The following GPC6 variants were observed in gnomAD, a reference collection of about 807,000 sequenced individuals.
The protein encoded by GPC6 is glypican-6.
GPC6 carries 14 observed loss-of-function variants against 55.2 expected under a neutral mutation model. The observed-to-expected ratio is 0.25, with a 90% confidence interval of 0.17 to 0.40. The LOEUF (loss-of-function observed/expected upper bound fraction) is 0.40. Among genes scored for constraint, GPC6 ranks in the 10% least tolerant of loss-of-function variants. GPC6 has a pLI of 1.00. For missense variants in GPC6, 641 were observed against 708.5 expected, an observed-to-expected ratio of 0.90 and a Z score of 1.08; for synonymous variants, 278 against 259.6, an observed-to-expected ratio of 1.07 and a Z score of -0.68.
At chr13:93,460,562 A>C (rs965734802) in intron 1 of GPC6, among the ~76,000 whole-genome samples, 2 of 152,192 alleles carry the variant, frequency 1.3e-5, no homozygotes, top group African/African-American at 4.8e-5. Context: ...CATAGCACTA[A>C]TATAAATTAA....
chr13:93,228,793 C>T (rs1042053694), intron 1 of GPC6, among the ~76,000 whole-genome samples: 1 of 152,122 alleles, frequency 6.6e-6, no homozygotes, highest in African/African-American at 2.4e-5. Flanking sequence ...CTGCTTTTTG[C>T]CAAATAACTG....
rs77828664 is a variant in GPC6, at chr13:93,423,051, C to G, written c.161-122212C>G. ...TTAGAAACAGACATGGTGGTCACAC[C>G]CCACCAGCTCCCCGTTTGTTAGCCC... On this transcript the variant is annotated intron_variant, in intron 1 of 8. Transcript: ENST00000377047. Among the ~76,000 whole-genome samples, 270 of 114,592 alleles carry G rather than the reference C, an allele frequency of 2.4e-3. 1 individual carries two copies. The highest frequency in any genetic ancestry group is 0.01 in the African/African-American group (257 of 24,558). 75.2% of individuals were successfully genotyped at this position (114,592 alleles called of 152,430 possible).
chr13:93,513,818 A>G (rs1246995559), intron 1 of GPC6, among the ~76,000 whole-genome samples: 3 of 144,566 alleles, frequency 2.1e-5, no homozygotes, highest in African/African-American at 7.7e-5. Context: ...CTCTCTGATG[A>G]TTTTCCCAAA....
At chr13:93,327,697 G>A (rs755956973) in intron 1 of GPC6, among the ~76,000 whole-genome samples, 22 of 152,124 alleles carry the variant, frequency 1.4e-4, no homozygotes, top group South Asian at 1.2e-3. Flanking sequence ...TAAGTGTGCC[G>A]TGTGAAAACA....
intron 4 of GPC6, among the ~76,000 whole-genome samples, chr13:94,108,806 C>A (rs1050902204): frequency 6.6e-6 from 1 of 150,772 alleles, no homozygotes; most frequent in East Asian, 2.0e-4. Flanking sequence ...GGCAGCATTG[C>A]ACTCCAGCCT....
At chr13:93,371,893 A>G (rs1466348460) in intron 1 of GPC6, among the ~76,000 whole-genome samples, 6 of 152,158 alleles carry the variant, frequency 3.9e-5, no homozygotes, top group African/African-American at 1.2e-4. Context: ...CCTTATCCAT[A>G]TTAAACCAGA....
chr13:94,290,704 C>A (rs1874914904), intron 5 of GPC6, among the ~76,000 whole-genome samples: 1 of 151,960 alleles, frequency 6.6e-6, no homozygotes, highest in South Asian at 2.1e-4. Flanking sequence ...TATAAAATAC[C>A]TTGTTATTAA....
chr13:93,716,152 A>G (rs1213749240), intron 2 of GPC6, among the ~76,000 whole-genome samples: 1 of 151,726 alleles, frequency 6.6e-6, no homozygotes, highest in Non-Finnish European at 1.5e-5. Flanking sequence ...TAGTACTTAG[A>G]ATTATATACA....
rs71736430 is a variant in GPC6 at position 93,744,528 on chromosome 13, C to CTTTTTTTTTTTTTTT, written c.320-85614_320-85600dup. On this transcript the variant is annotated intron_variant, in intron 2 of 8. Transcript: ENST00000377047. ...TTCCTCCAAACCTGCTTTCCCTAGT[C>CTTTTTTTTTTTTTTT]TTTTTTTTTTTTTTTTTTTTTTTTT... Among the ~76,000 whole-genome samples the CTTTTTTTTTTTTTTT allele has an allele frequency of 5.1e-5, 5 of 97,206 alleles. 1 individual carries two copies. Among genetic ancestry groups the CTTTTTTTTTTTTTTT allele is most frequent in the Non-Finnish European group, 9.5e-5 (5 of 52,558 alleles). 63.8% of individuals were successfully genotyped at this position (97,206 alleles called of 152,430 possible). A position where few individuals can be genotyped will look rare whatever the true frequency, so the allele number is the denominator to read the frequency against.
chr13:94,347,695 T>A (rs1026874920), intron 6 of GPC6, among the ~76,000 whole-genome samples: 1 of 152,196 alleles, frequency 6.6e-6, no homozygotes, highest in Non-Finnish European at 1.5e-5. Context: ...TCACTATGAT[T>A]TATTCAAAAG....
chr13:94,371,941 A>C (rs1278959505), intron 6 of GPC6, among the ~76,000 whole-genome samples: 2 of 152,136 alleles, frequency 1.3e-5, no homozygotes, highest in Admixed American at 6.5e-5. Flanking sequence ...CTTATTCAAT[A>C]ATATCAACTA....
At chr13:93,380,901 A>T (rs962697711) in intron 1 of GPC6, among the ~76,000 whole-genome samples, 3 of 152,120 alleles carry the variant, frequency 2.0e-5, no homozygotes, top group Admixed American at 2.0e-4. Context: ...ATGCTCATTG[A>T]TTTGTCTCCA....
intron 6 of GPC6, among the ~76,000 whole-genome samples, chr13:94,330,004 G>T (rs979277694): frequency 6.6e-6 from 1 of 152,146 alleles, no homozygotes; most frequent in African/African-American, 2.4e-5. Context: ...CTTCTGAGAG[G>T]CTCCTACCAT....
chr13:93,475,498 A>T (rs1469112865), intron 1 of GPC6, among the ~76,000 whole-genome samples: 1 of 152,168 alleles, frequency 6.6e-6, no homozygotes, highest in Non-Finnish European at 1.5e-5. Flanking sequence ...AACTTTCTAT[A>T]TCTGAAACTG....
At position 94,293,580 on chromosome 13, in the gene GPC6, A is replaced by G. The variant is rs888542974; in HGVS notation, c.1008+7101A>G. On this transcript the variant is annotated intron_variant, in intron 5 of 8. Coordinates refer to ENST00000377047, the MANE Select transcript of GPC6 (RefSeq NM_005708.5). ...TTGATAGCAATATGAAAATGGACTAATACAGAGGACAAGACAGAGTCCTTG... is the reference window on the plus strand; with the variant it reads ...TTGATAGCAATATGAAAATGGACTAGTACAGAGGACAAGACAGAGTCCTTG... Among the ~76,000 whole-genome samples the G allele has an allele frequency of 3.9e-5, 6 of 152,354 alleles. No homozygotes were observed. The East Asian group carries it at 1.2e-3, about 29-fold the overall frequency.
chr13:93,603,915 A>G (rs1215139046), intron 2 of GPC6, among the ~76,000 whole-genome samples: 1 of 152,256 alleles, frequency 6.6e-6, no homozygotes, highest in Non-Finnish European at 1.5e-5. Flanking sequence ...AACCAAAGTG[A>G]TAACAAAAAT....
chr13:93,895,991 C>G (rs569246963), intron 3 of GPC6, among the ~76,000 whole-genome samples: 106 of 152,016 alleles, frequency 7.0e-4, no homozygotes, highest in Middle Eastern at 3.4e-3. Context: ...AATAGGGTGA[C>G]TATAATTAAC....
At chr13:94,112,007 C>T (rs1886266672) in intron 4 of GPC6, among the ~76,000 whole-genome samples, 3 of 152,120 alleles carry the variant, frequency 2.0e-5, no homozygotes. Flanking sequence ...ACTTGAACCA[C>T]TGTTTTTCTT....
intron 4 of GPC6, among the ~76,000 whole-genome samples, chr13:94,208,277 C>T (rs1040442281): frequency 3.9e-5 from 6 of 152,120 alleles, no homozygotes; most frequent in African/African-American, 7.2e-5. Context: ...GGCTTAAAAC[C>T]TCAGGTTCTT....
Sources: allele counts gnomAD v4.1 joint callset (sites outside exome capture counted in the v4.1 genomes callset), GRCh38; gene constraint gnomAD v4.1.1; transcripts MANE v1.5; gene names NCBI Gene and HGNC (gene_info 2026-07-23, HGNC 2026-07-21).